Variants in MCTP1 observed in about 807,000 individuals in gnomAD.
The protein encoded by MCTP1 is multiple C2 and transmembrane domain-containing protein 1.
In MCTP1, 69 loss-of-function variants were observed where a neutral mutation model predicts 120.6. That is an observed-to-expected ratio of 0.57 (90% CI 0.47 to 0.70). The LOEUF (loss-of-function observed/expected upper bound fraction) is 0.70, where lower values mean the gene tolerates loss of function less well. Among genes scored for constraint, MCTP1 ranks in the 30% least tolerant of loss-of-function variants. The pLI is 0.00. For synonymous variants in MCTP1, 529 were observed against 493.1 expected (o/e 1.07, Z -0.96); for missense variants, 1,203 against 1,248.8 (o/e 0.96, Z 0.55).
intron 1 of MCTP1, among the ~76,000 whole-genome samples, chr5:95,201,463 GGTTTTTTTTTTTTTT>G (rs1751014956): frequency 8.3e-6 from 1 of 120,682 alleles, no homozygotes; most frequent in Non-Finnish European, 1.8e-5. Flanking sequence ...AAGGAAAAGT[GGTTTTTTTTTTTTTT>G]TTTTTTTTTT....
intron 19 of MCTP1, among the ~76,000 whole-genome samples, chr5:94,736,637 C>A (rs1764322317): frequency 6.6e-6 from 1 of 152,044 alleles, no homozygotes; most frequent in Non-Finnish European, 1.5e-5. Flanking sequence ...TACCAAAATG[C>A]CAGCCTCTTT....
chr5:95,047,289 C>T lies in MCTP1; in HGVS notation c.721-29805G>A, dbSNP rs17339745. On this transcript the variant is annotated intron_variant, in intron 1 of 22. Coordinates refer to ENST00000515393, the MANE Select transcript of MCTP1 (RefSeq NM_024717.7). Reference sequence around the variant, plus strand: ...GACATCTGTTCATCCTAGTGTCTTACGTCATCCTGGTTAAGTGGACCACGG... The same window carrying T: ...GACATCTGTTCATCCTAGTGTCTTATGTCATCCTGGTTAAGTGGACCACGG... Among the ~76,000 whole-genome samples, 1,214 of 152,196 alleles carry T rather than the reference C, an allele frequency of 8.0e-3. 12 individuals are homozygous for T. The highest frequency in any genetic ancestry group is 0.024 in the Middle Eastern group (7 of 294).
chr5:94,733,198 G>A (rs1160085122), intron 19 of MCTP1, among the ~76,000 whole-genome samples: 1 of 152,134 alleles, frequency 6.6e-6, no homozygotes, highest in Non-Finnish European at 1.5e-5. Flanking sequence ...CAGAGAACAG[G>A]GAGAGCAAAG....
intron 1 of MCTP1, among the ~76,000 whole-genome samples, chr5:95,175,928 T>G (rs1747919104): frequency 6.6e-6 from 1 of 152,164 alleles, no homozygotes; most frequent in South Asian, 2.1e-4. Context: ...ATTACCCTTT[T>G]GTTTTCCAGA....
At chr5:94,926,665 C>T (rs762368619) in intron 6 of MCTP1, among the ~76,000 whole-genome samples, 1 of 152,314 alleles carries the variant, frequency 6.6e-6, no homozygotes, top group South Asian at 2.1e-4. Context: ...TCTATCCATC[C>T]ATCCATTCAT....
chr5:94,884,079 AC>A, intron 12 of MCTP1, among the ~76,000 whole-genome samples: 1 of 152,346 alleles, frequency 6.6e-6, no homozygotes, highest in Non-Finnish European at 1.5e-5. Context: ...TACCTTCATG[AC>A]ACACTCAAGC....
At chr5:94,913,252 GA>G (rs1472964603) in intron 8 of MCTP1, among the ~76,000 whole-genome samples, 1 of 152,078 alleles carries the variant, frequency 6.6e-6, no homozygotes, top group African/African-American at 2.4e-5. Flanking sequence ...GATACTTCAA[GA>G]ATATCAGAGA....
intron 19 of MCTP1, among the ~76,000 whole-genome samples, chr5:94,726,293 T>C (rs1762122068): frequency 6.6e-6 from 1 of 152,240 alleles, no homozygotes; most frequent in Non-Finnish European, 1.5e-5. Flanking sequence ...CTGGAAGTTG[T>C]ATGTCCTCTG....
In MCTP1 at chr5:94,950,845, T is replaced by C. The variant is rs576808521; in HGVS notation, c.981+2374A>G. On this transcript the variant is annotated intron_variant, in intron 3 of 22. Transcript: ENST00000515393. Reference sequence around the variant, plus strand: ...GGTGGGCACCTGCAGTCCCAGCTACTCAGAGGCAGGAGAAAGGCGTGAACT... The same window carrying C: ...GGTGGGCACCTGCAGTCCCAGCTACCCAGAGGCAGGAGAAAGGCGTGAACT... 2.0e-5 allele frequency among the ~76,000 whole-genome samples: 3 copies of C among 150,332 alleles called. No homozygotes were observed. In the East Asian group the frequency reaches 5.9e-4, roughly 30 times the overall value.
chr5:95,177,224 T>C (rs1480553149), intron 1 of MCTP1, among the ~76,000 whole-genome samples: 1 of 152,074 alleles, frequency 6.6e-6, no homozygotes, highest in Non-Finnish European at 1.5e-5. Context: ...TTTTAAGGAA[T>C]TGGCTCCTGT....
intron 1 of MCTP1, among the ~76,000 whole-genome samples, chr5:95,266,679 T>C (rs1329487595): frequency 1.3e-5 from 2 of 152,204 alleles, no homozygotes; most frequent in Non-Finnish European, 2.9e-5. Context: ...TATTTCCTAG[T>C]CCAGATGGCA....
intron 1 of MCTP1, among the ~76,000 whole-genome samples, chr5:95,240,584 T>C (rs1756051465): frequency 6.6e-6 from 1 of 152,214 alleles, no homozygotes; most frequent in African/African-American, 2.4e-5. Context: ...GGGTAGATGC[T>C]TTACCTTATT....
At chr5:95,249,234 A>T (rs1186321277) in intron 1 of MCTP1, among the ~76,000 whole-genome samples, 2 of 152,214 alleles carry the variant, frequency 1.3e-5, no homozygotes, top group African/African-American at 4.8e-5. Context: ...CAACCTACAG[A>T]ATGGGAGAAA....
intron 1 of MCTP1, among the ~76,000 whole-genome samples, chr5:95,073,990 C>T (rs1326880406): frequency 1.3e-5 from 2 of 152,114 alleles, no homozygotes; most frequent in Admixed American, 1.3e-4. Context: ...GTGGCGGGTG[C>T]CTATAATCCC....
chr5:94,919,605 T>A (rs1811024134), intron 7 of MCTP1, among the ~76,000 whole-genome samples: 1 of 152,212 alleles, frequency 6.6e-6, no homozygotes, highest in Non-Finnish European at 1.5e-5. Context: ...TTTCTTCTAT[T>A]TTCAGCACAG....
chr5:94,772,151 T>C lies in MCTP1; in HGVS notation c.2610+6959A>G, dbSNP rs188329698. 4.6e-5 allele frequency among the ~76,000 whole-genome samples: 7 copies of C among 152,300 alleles called. No individual in the cohort carries two copies. The East Asian group carries it at 1.2e-3, about 25-fold the overall frequency. Reference sequence around the variant, plus strand: ...AGGTCCTTCTCATACTTGATGAGCCTGTGGGGTTCAGGTACATGCTTTCTT... The same window carrying C: ...AGGTCCTTCTCATACTTGATGAGCCCGTGGGGTTCAGGTACATGCTTTCTT... On this transcript the variant is annotated intron_variant, in intron 19 of 22. Transcript: ENST00000515393.
At position 95,235,663 on chromosome 5, in the gene MCTP1, T is replaced by C. The variant is rs73142025; in HGVS notation, c.720+48193A>G. Among the ~76,000 whole-genome samples the C allele has an allele frequency of 5.4e-3, 818 of 152,276 alleles. 15 individuals carry two copies. Among genetic ancestry groups the C allele is most frequent in the African/African-American group, 0.017 (706 of 41,562 alleles). ...CAATAATAATGAAAATGTAACTGTA[T>C]CACATTGTGATAATTATTCCATCTG... On this transcript the variant is annotated intron_variant, in intron 1 of 22. Transcript: ENST00000515393.
chr5:94,801,479 C>A (rs1677375118), intron 17 of MCTP1, among the ~76,000 whole-genome samples: 1 of 152,202 alleles, frequency 6.6e-6, no homozygotes, highest in African/African-American at 2.4e-5. Flanking sequence ...ACAAGATTTT[C>A]TTTCCATTTG....
chr5:95,135,429 A>T (rs545047103), intron 1 of MCTP1, among the ~76,000 whole-genome samples: 1 of 152,372 alleles, frequency 6.6e-6, no homozygotes, highest in South Asian at 2.1e-4. Flanking sequence ...GATGGTTGAT[A>T]CTGAGTGTCA....
Sources: gnomAD v4.1 joint callset for allele counts (sites outside exome capture counted in the v4.1 genomes callset) on GRCh38, gnomAD v4.1.1 for gene constraint, MANE v1.5 for transcripts, NCBI Gene and HGNC (gene_info 2026-07-23, HGNC 2026-07-21) for gene names.